AKAP13: variants seen among roughly 807,000 people sequenced by gnomAD.
AKAP13 encodes A-kinase anchoring protein 13.
A neutral mutation model predicts 264.5 loss-of-function variants in AKAP13; 80 were observed. The observed-to-expected ratio is 0.30, with a 90% CI of 0.25 to 0.36. The LOEUF (loss-of-function observed/expected upper bound fraction) is 0.36. AKAP13 is among the 10% of genes least tolerant of loss of function. The pLI, the probability that AKAP13 is intolerant of heterozygous loss-of-function variation, is 1.00. For missense variants in AKAP13, 3,712 were observed against 3,435.2 expected (o/e 1.08, Z -2.01); for synonymous variants, 1,380 against 1,250.2 (o/e 1.10, Z -2.19).
chr15:85,748,540 CT>C lies in AKAP13; in HGVS notation c.*3866del, dbSNP rs1484222995. ...CAGGGAGTTTGGGCTTGGTTTTGAA[CT>C]TTCCTTTCAATGTAGCAAAGCATTC... is the stretch of plus-strand genomic sequence containing the variant. On this transcript the variant is annotated 3_prime_UTR_variant, in exon 37 of 37. Coordinates refer to ENST00000394518, the MANE Select transcript of AKAP13 (RefSeq NM_007200.5). 1 of 152,172 alleles carries C rather than the reference CT, an allele frequency of 6.6e-6. No individual in the cohort carries two copies. Among genetic ancestry groups the C allele is most frequent in the African/African-American group, 2.4e-5 (1 of 41,446 alleles). 9.4% of individuals were successfully genotyped at this position (152,172 alleles called of 1,614,324 possible). A position where few individuals can be genotyped will look rare whatever the true frequency, so the allele number is the denominator to read the frequency against.
chr15:85,430,144 C>G (rs1248806863), intron 1 of AKAP13, among the ~76,000 whole-genome samples: 19 of 152,176 alleles, frequency 1.2e-4, no homozygotes, highest in Admixed American at 1.1e-3. Context: ...TCTGTAAAGT[C>G]TCATTAATAT....
At chr15:85,527,421 C>G (rs547282945) in intron 3 of AKAP13, among the ~76,000 whole-genome samples, 1 of 152,212 alleles carries the variant, frequency 6.6e-6, no homozygotes, top group South Asian at 2.1e-4. Flanking sequence ...ATATATAAAA[C>G]ACAGTTACAC....
At chr15:85,514,976 G>C (rs1347807347) in intron 2 of AKAP13, among the ~76,000 whole-genome samples, 1 of 136,312 alleles carries the variant, frequency 7.3e-6, no homozygotes, top group Admixed American at 7.4e-5. Flanking sequence ...TATAAATCCT[G>C]TCATTTTGTC....
At chr15:85,568,338 A>G (rs1344820704) in intron 5 of AKAP13, among the ~76,000 whole-genome samples, 1 of 152,076 alleles carries the variant, frequency 6.6e-6, no homozygotes, top group Non-Finnish European at 1.5e-5. Flanking sequence ...GTAATATAAT[A>G]AGGAGGAGGG....
intron 5 of AKAP13, among the ~76,000 whole-genome samples, chr15:85,547,659 A>G (rs370630690): frequency 9.8e-4 from 149 of 152,306 alleles, no homozygotes; most frequent in African/African-American, 3.4e-3. Flanking sequence ...GCTTATATTT[A>G]GATCTTACAT....
chr15:85,516,957 T>G (rs1277646951), intron 2 of AKAP13, among the ~76,000 whole-genome samples: 1 of 152,208 alleles, frequency 6.6e-6, no homozygotes, highest in African/African-American at 2.4e-5. Flanking sequence ...TTTTGAGTAT[T>G]TATGACATTT....
chr15:85,731,951 C>T (rs1275759812), intron 30 of AKAP13, among the ~76,000 whole-genome samples: 1 of 152,022 alleles, frequency 6.6e-6, no homozygotes, highest in African/African-American at 2.4e-5. Flanking sequence ...GGTGTGGTGA[C>T]ATGCGGCTGT....
chr15:85,468,666 G>T (rs773390024), intron 1 of AKAP13, among the ~76,000 whole-genome samples: 2 of 152,226 alleles, frequency 1.3e-5, no homozygotes, highest in African/African-American at 2.4e-5. Flanking sequence ...GTAGAATTTT[G>T]TATGAAGTCT....
chr15:85,670,519 A>G (rs2083870001), intron 14 of AKAP13, among the ~76,000 whole-genome samples: 2 of 149,452 alleles, frequency 1.3e-5, no homozygotes, highest in Non-Finnish European at 3.0e-5. Flanking sequence ...TGTGTTATCT[A>G]GTATGTACAC....
chr15:85,477,636 G>GAAAAAAAAAAAAAAAAAA (rs1567077572), intron 1 of AKAP13, among the ~76,000 whole-genome samples: 1 of 34,310 alleles, frequency 2.9e-5, no homozygotes, highest in Non-Finnish European at 7.2e-5. Context: ...CTTAAAAAAA[G>GAAAAAAAAAAAAAAAAAA]GAAAAAAAAA....
At chr15:85,478,607 T>C (rs565436137) in intron 1 of AKAP13, among the ~76,000 whole-genome samples, 4 of 152,316 alleles carry the variant, frequency 2.6e-5, no homozygotes, top group Admixed American at 1.3e-4. Flanking sequence ...TCGTTGCTGT[T>C]GTTTTAATTT....
chr15:85,704,651 A>G lies in AKAP13; in HGVS notation c.5465-3368A>G, dbSNP rs184506733. 1.2e-3 allele frequency among the ~76,000 whole-genome samples: 176 copies of G among 152,322 alleles called. 6 individuals carry two copies. Among genetic ancestry groups the G allele is most frequent in the Non-Finnish European group, 1.0e-3 (68 of 68,030 alleles). ...CACTGTGCTGAGACCTTTTTGAAGA[A>G]TTTTAAAAAATGAAAGCATATTGCC... On this transcript the variant is annotated intron_variant, in intron 17 of 36. Coordinates refer to ENST00000394518, the MANE Select transcript of AKAP13 (RefSeq NM_007200.5).
chr15:85,437,366 T>G (rs528366175), intron 1 of AKAP13, among the ~76,000 whole-genome samples: 126 of 152,312 alleles, frequency 8.3e-4, no homozygotes, highest in African/African-American at 2.9e-3. Context: ...ACCAGATGGA[T>G]TCACAGCTGA....
At chr15:85,418,267 G>C (rs1032055641) in intron 1 of AKAP13, among the ~76,000 whole-genome samples, 4 of 152,032 alleles carry the variant, frequency 2.6e-5, no homozygotes, top group Non-Finnish European at 5.9e-5. Flanking sequence ...GTTTTGTATA[G>C]ACAGGGTCTC....
At chr15:85,417,616 A>G (rs1245854861) in intron 1 of AKAP13, among the ~76,000 whole-genome samples, 1 of 152,206 alleles carries the variant, frequency 6.6e-6, no homozygotes, top group Non-Finnish European at 1.5e-5. Flanking sequence ...TGAGATACTT[A>G]TTTGAGAGCA....
At chr15:85,402,976 G>C (rs1220225545) in intron 1 of AKAP13, among the ~76,000 whole-genome samples, 1 of 152,106 alleles carries the variant, frequency 6.6e-6, no homozygotes, top group Non-Finnish European at 1.5e-5. Flanking sequence ...AATGAAATCT[G>C]GTAATAAAAG....
At chr15:85,537,072 C>T (rs1296979600) in intron 4 of AKAP13, 1 of 152,186 alleles carries the variant, frequency 6.6e-6, no homozygotes, top group Non-Finnish European at 1.5e-5. Flanking sequence ...TTTAAGTCAA[C>T]AACTGGGATG....
At chr15:85,681,525 C>T (rs771215808) in intron 14 of AKAP13, among the ~76,000 whole-genome samples, 6 of 152,030 alleles carry the variant, frequency 3.9e-5, no homozygotes, top group Non-Finnish European at 8.8e-5. Context: ...ACGCATCTGC[C>T]TCATTCATTT....
chr15:85,633,436 T>G (rs2081937689), intron 8 of AKAP13, among the ~76,000 whole-genome samples: 1 of 152,102 alleles, frequency 6.6e-6, no homozygotes, highest in South Asian at 2.1e-4. Context: ...AGTGGTTCTA[T>G]TAGCAGAGAA....
Sources: allele counts gnomAD v4.1 joint callset (sites outside exome capture counted in the v4.1 genomes callset), GRCh38; gene constraint gnomAD v4.1.1; transcripts MANE v1.5; gene names NCBI Gene and HGNC (gene_info 2026-07-23, HGNC 2026-07-21).